AP1S2: variants seen among roughly 807,000 people sequenced by gnomAD.
AP1S2 encodes adaptor related protein complex 1 subunit sigma 2, also known as AP-1 complex subunit sigma-2.
Under a neutral mutation model 14.3 loss-of-function variants are expected in AP1S2, and 1 was observed. The observed-to-expected ratio is 0.07, with a 90% CI of 0.02 to 0.33. The LOEUF is 0.33. Ranked by LOEUF, AP1S2 falls within the 10% of genes least tolerant of loss-of-function variation. The pLI is 0.99. For synonymous variants in AP1S2, 30 were observed against 40.5 expected, an observed-to-expected ratio of 0.74 and a Z score of 0.99; for missense variants, 30 against 117.7, an observed-to-expected ratio of 0.25 and a Z score of 3.45.
At chrX:15,845,041 A>C (rs1258805057) in intron 4 of AP1S2, 2 of 746,468 alleles carry the variant, frequency 2.7e-6, no homozygotes, top group African/African-American at 4.6e-5. Context: ...ATTTGAAGCA[A>C]TAGATGGAGA....
intron 4 of AP1S2, chrX:15,831,263 A>C: frequency 2.7e-6 from 2 of 747,997 alleles, no homozygotes; most frequent in African/African-American, 4.6e-5. Context: ...AATATTACTC[A>C]AAACACTTCT....
Position 15,838,922 on chromosome X carries a change from A to G in AP1S2, c.426+6457T>C, listed in dbSNP as rs937622810. 4.5e-5 allele frequency among the ~76,000 whole-genome samples: 5 copies of G among 110,111 alleles called. No homozygotes were observed. In the East Asian group the frequency reaches 1.4e-3, roughly 31 times the overall value. ...ACCACCACGCCCAGCTAATTTTTGT[A>G]TTTTTTGTAGAGATGGGGTTTTACC... On this transcript the variant is annotated intron_variant, in intron 4 of 5. Transcript: ENST00000672987.
At chrX:15,845,613 G>A (rs900361893) in intron 3 of AP1S2, 97 bp from the exon 4 acceptor site, 18 of 1,041,839 alleles carry the variant, frequency 1.7e-5, no homozygotes, top group South Asian at 4.3e-5. Flanking sequence ...GAATAAAATC[G>A]AACTAGAGTG....
At chrX:15,848,447 G>A (rs886536495) in intron 2 of AP1S2, among the ~76,000 whole-genome samples, 1 of 111,512 alleles carries the variant, frequency 9.0e-6, no homozygotes, top group Non-Finnish European at 1.9e-5. Flanking sequence ...AAAAACTATA[G>A]CCAGCAATTG....
chrX:15,837,895 G>A (rs940989530), intron 4 of AP1S2, among the ~76,000 whole-genome samples: 1 of 111,156 alleles, frequency 9.0e-6, no homozygotes, highest in Non-Finnish European at 1.9e-5. Context: ...GTGAGCCACC[G>A]CGCCTGGCCT....
At chrX:15,834,345 A>G (rs1402161003) in intron 4 of AP1S2, among the ~76,000 whole-genome samples, 4 of 98,354 alleles carry the variant, frequency 4.1e-5, no homozygotes, top group Non-Finnish European at 8.2e-5. Context: ...AAAAAAGTCT[A>G]CAGCTTTACC....
At chrX:15,845,171 G>A (rs1450112940) in intron 4 of AP1S2, 10 of 751,827 alleles carry the variant, frequency 1.3e-5, no homozygotes, top group Non-Finnish European at 1.6e-5. Flanking sequence ...AGGCCTGACC[G>A]ATAGACCATC....
At chrX:15,827,450 A>G (rs944853404) in intron 5 of AP1S2, 78 bp from the exon 6 acceptor site, 3 of 924,755 alleles carry the variant, frequency 3.2e-6, no homozygotes, top group African/African-American at 1.9e-5. Flanking sequence ...ATGGAAGAAC[A>G]TGCTTGTTTT....
chrX:15,836,026 C>CA lies in AP1S2; in HGVS notation c.427-7827dup, dbSNP rs1227700087. On this transcript the variant is annotated intron_variant, in intron 4 of 5. Transcript: ENST00000672987. ...CTTTGAGTATCCTTCCATATCATTA[C>CA]AAAAAAAAATCGATCTCATTTCTTT... is the stretch of plus-strand genomic sequence containing the variant. Among the ~76,000 whole-genome samples the CA allele has an allele frequency of 2.2e-3, 244 of 109,461 alleles. 1 individual carries two copies. The highest frequency in any genetic ancestry group is 4.0e-3 in the Non-Finnish European group (209 of 52,381).
At chrX:15,853,985 A>G (rs1397836908) in intron 1 of AP1S2, among the ~76,000 whole-genome samples, 1 of 111,721 alleles carries the variant, frequency 9.0e-6, no homozygotes, top group Non-Finnish European at 1.9e-5. Flanking sequence ...GCCTGCGAAG[A>G]GTATGGGCTC....
rs1933281476 is a variant in AP1S2 at position 15,826,874 on chromosome X, CAT to C, written c.*449_*450del. 9.6e-6 allele frequency: 1 copy of C among 103,756 alleles called. No homozygotes were observed. The highest frequency in any genetic ancestry group is 1.9e-5 in the Non-Finnish European group (1 of 51,665). 8.6% of individuals were successfully genotyped at this position (103,756 alleles called of 1,213,427 possible). On this transcript the variant is annotated 3_prime_UTR_variant, in exon 6 of 6. Coordinates refer to ENST00000672987, the MANE Select transcript of AP1S2 (RefSeq NM_001272071.2). Reference sequence around the variant, plus strand: ...AAGTTTCCATTCATTTGATATGTGACATGTCAATTCCCTTTTTTTTTTTTTTT... The same window carrying C: ...AAGTTTCCATTCATTTGATATGTGACGTCAATTCCCTTTTTTTTTTTTTTT...
chrX:15,831,905 A>G lies in AP1S2; in HGVS notation c.427-3705T>C, dbSNP rs770320852. 9.4e-6 allele frequency: 7 copies of G among 747,317 alleles called. No individual in the cohort carries two copies. In the South Asian group the frequency reaches 2.7e-4, roughly 29 times the overall value. The allele number at this position is 747,317 out of a possible 1,213,427, so 61.6% of individuals were successfully genotyped here. On this transcript the variant is annotated intron_variant, in intron 4 of 5. Coordinates refer to ENST00000672987, the MANE Select transcript of AP1S2 (RefSeq NM_001272071.2). ...TACTGAGTTGACCAAAAATTCAATT[A>G]GAATATTCCCCTTCCACCAGTATTT... is the stretch of plus-strand genomic sequence containing the variant.
In AP1S2 at chrX:15,827,284, T is replaced by C; in HGVS notation, c.*41A>G. 4.5e-6 allele frequency: 5 copies of C among 1,109,411 alleles called. No individual in the cohort carries two copies. Among genetic ancestry groups the C allele is most frequent in the Non-Finnish European group, 6.2e-6 (5 of 802,498 alleles). 91.4% of individuals were successfully genotyped at this position (1,109,411 alleles called of 1,213,427 possible). ...ACATGAAGGGAGTGACCATCTACAG[T>C]GTGTGAAATGCCACAAGAAGTCATC... On this transcript the variant is annotated 3_prime_UTR_variant, in exon 6 of 6. Coordinates refer to ENST00000672987, the MANE Select transcript of AP1S2 (RefSeq NM_001272071.2).
intron 4 of AP1S2, chrX:15,830,559 ATTCTT>A (rs1217511322): frequency 1.5e-6 from 1 of 667,065 alleles, no homozygotes; most frequent in Non-Finnish European, 1.8e-6. Context: ...TAAACAATGA[ATTCTT>A]TTCCTTTTAT....
Position 15,827,272 on chromosome X carries a change from G to A in AP1S2, c.*53C>T. 9.6e-7 allele frequency: 1 copy of A among 1,039,163 alleles called. No homozygotes were observed. The highest frequency in any genetic ancestry group is 1.4e-6 in the Non-Finnish European group (1 of 738,399). 85.6% of individuals were successfully genotyped at this position (1,039,163 alleles called of 1,213,427 possible). ...GAGCTAACATGGACATGAAGGGAGT[G>A]ACCATCTACAGTGTGTGAAATGCCA... is the stretch of plus-strand genomic sequence containing the variant. On this transcript the variant is annotated 3_prime_UTR_variant, in exon 6 of 6. Coordinates refer to ENST00000672987, the MANE Select transcript of AP1S2 (RefSeq NM_001272071.2).
chrX:15,827,603 G>C (rs960803400), intron 5 of AP1S2, among the ~76,000 whole-genome samples: 6 of 111,852 alleles, frequency 5.4e-5, no homozygotes, highest in African/African-American at 1.9e-4. Flanking sequence ...ACCTACCAAT[G>C]TGCTAGATGC....
chrX:15,854,642 C>G, intron 1 of AP1S2, 46 bp downstream of exon 1: 1 of 573,801 alleles, frequency 1.7e-6, no homozygotes, highest in South Asian at 8.4e-5. Flanking sequence ...TCCTCCCTCC[C>G]CCTCTCCCCC....
chrX:15,834,027 A>G (rs1933517575), intron 4 of AP1S2, among the ~76,000 whole-genome samples: 1 of 111,678 alleles, frequency 9.0e-6, no homozygotes, highest in African/African-American at 3.3e-5. Context: ...TTTTTAATCC[A>G]GTTGTATTGT....
chrX:15,854,655 C>A (rs894441885), intron 1 of AP1S2, 33 bp downstream of exon 1: 48 of 547,978 alleles, frequency 8.8e-5, no homozygotes, highest in African/African-American at 2.6e-4. Context: ...TCTCCCCCAT[C>A]CCCGGCGCCC....
Sources: gnomAD v4.1 joint callset for allele counts (sites outside exome capture counted in the v4.1 genomes callset) on GRCh38, gnomAD v4.1.1 for gene constraint, MANE v1.5 for transcripts, NCBI Gene and HGNC (gene_info 2026-07-23, HGNC 2026-07-21) for gene names.